CCSER1: variants seen among roughly 807,000 people sequenced by gnomAD.
The protein encoded by CCSER1 is serine-rich coiled-coil domain-containing protein 1.
Under a neutral mutation model 82.0 loss-of-function variants are expected in CCSER1, and 41 were observed. The ratio of observed to expected loss-of-function variants is 0.50; its 90% CI spans 0.39 to 0.65. CCSER1 has a LOEUF of 0.65. CCSER1 is among the 30% of genes least tolerant of loss of function. CCSER1 has a pLI of 0.00. For missense variants in CCSER1, 1,119 were observed against 1,064.2 expected, an observed-to-expected ratio of 1.05 and a Z score of -0.72; for synonymous variants, 414 against 383.9, an observed-to-expected ratio of 1.08 and a Z score of -0.92.
intron 7 of CCSER1, among the ~76,000 whole-genome samples, chr4:90,811,783 T>C (rs1236322979): frequency 6.6e-6 from 1 of 151,946 alleles, no homozygotes; most frequent in Non-Finnish European, 1.5e-5. Context: ...ATATGTTTAG[T>C]GAGTAGTTGT....
At chr4:90,637,120 G>A (rs1407023920) in intron 6 of CCSER1, among the ~76,000 whole-genome samples, 2 of 152,144 alleles carry the variant, frequency 1.3e-5, no homozygotes. Flanking sequence ...TATGGGTTAT[G>A]GCTGAAGGCG....
chr4:90,339,684 G>A (rs1238735559), intron 3 of CCSER1, among the ~76,000 whole-genome samples: 1 of 151,728 alleles, frequency 6.6e-6, no homozygotes, highest in Non-Finnish European at 1.5e-5. Context: ...ATTTTCTTTG[G>A]GTTTCTGCTC....
chr4:91,125,706 T>C (rs1343900872), intron 10 of CCSER1, among the ~76,000 whole-genome samples: 2 of 151,448 alleles, frequency 1.3e-5, no homozygotes, highest in African/African-American at 4.8e-5. Flanking sequence ...TTCTTGAAAA[T>C]AGATATGAAG....
intron 5 of CCSER1, among the ~76,000 whole-genome samples, chr4:90,492,719 T>G (rs1345652657): frequency 1.3e-5 from 2 of 152,166 alleles, no homozygotes; most frequent in African/African-American, 4.8e-5. Flanking sequence ...ATATGTTGAG[T>G]CTTTGTTCTC....
intron 3 of CCSER1, among the ~76,000 whole-genome samples, chr4:90,327,921 T>A (rs1052285480): frequency 3.9e-5 from 6 of 152,226 alleles, no homozygotes; most frequent in African/African-American, 1.4e-4. Flanking sequence ...TTGAGGACTC[T>A]GCGCACTTAC....
chr4:90,654,807 T>A (rs1729416994), intron 6 of CCSER1, among the ~76,000 whole-genome samples: 2 of 152,064 alleles, frequency 1.3e-5, no homozygotes, highest in Non-Finnish European at 2.9e-5. Flanking sequence ...GAGTGTGATG[T>A]TTTTGCCAGA....
intron 4 of CCSER1, among the ~76,000 whole-genome samples, chr4:90,413,928 G>C (rs908394133): frequency 1.3e-4 from 14 of 109,038 alleles, no homozygotes; most frequent in African/African-American, 4.5e-4. Flanking sequence ...CAGCCTGGGT[G>C]ACAGAGCGAG....
At chr4:91,029,958 G>A (rs1327878519) in intron 9 of CCSER1, among the ~76,000 whole-genome samples, 1 of 151,834 alleles carries the variant, frequency 6.6e-6, no homozygotes, top group Admixed American at 6.6e-5. Context: ...TTGATTCATT[G>A]CCTTCTGCAA....
chr4:90,659,243 C>T (rs910045935), intron 6 of CCSER1, among the ~76,000 whole-genome samples: 9 of 152,090 alleles, frequency 5.9e-5, no homozygotes, highest in Non-Finnish European at 1.0e-4. Flanking sequence ...CTGAAGAAAG[C>T]AACAAATAAT....
intron 10 of CCSER1, among the ~76,000 whole-genome samples, chr4:91,544,897 T>C (rs1321988729): frequency 1.3e-5 from 2 of 152,136 alleles, no homozygotes; most frequent in African/African-American, 4.8e-5. Flanking sequence ...CTATGCCCTG[T>C]CCCCAGAGTT....
chr4:90,409,759 G>A (rs1754384310), intron 4 of CCSER1, among the ~76,000 whole-genome samples: 1 of 152,138 alleles, frequency 6.6e-6, no homozygotes, highest in South Asian at 2.1e-4. Context: ...CATAATGACA[G>A]GATCAAATTC....
chr4:90,267,698 C>T (rs1336817438), intron 1 of CCSER1, among the ~76,000 whole-genome samples: 1 of 152,134 alleles, frequency 6.6e-6, no homozygotes, highest in African/African-American at 2.4e-5. Flanking sequence ...CCTGGTCATC[C>T]AGATAATTCT....
chr4:90,360,009 C>T (rs1289943147), intron 3 of CCSER1, among the ~76,000 whole-genome samples: 2 of 148,478 alleles, frequency 1.3e-5, no homozygotes, highest in East Asian at 2.0e-4. Flanking sequence ...ACCTCTGCCT[C>T]CCAGGTTAAA....
intron 6 of CCSER1, among the ~76,000 whole-genome samples, chr4:90,639,443 A>C (rs1426058938): frequency 2.0e-5 from 3 of 152,108 alleles, no homozygotes; most frequent in Admixed American, 6.6e-5. Context: ...ACACCACTCC[A>C]CAAAAGTACT....
intron 5 of CCSER1, among the ~76,000 whole-genome samples, chr4:90,555,431 G>A (rs1778014718): frequency 6.6e-6 from 1 of 152,004 alleles, no homozygotes; most frequent in Admixed American, 6.6e-5. Flanking sequence ...AAAAAGATCC[G>A]CTTTCTTCAT....
At chr4:90,605,723 T>A (rs1322109583) in intron 5 of CCSER1, among the ~76,000 whole-genome samples, 1 of 152,194 alleles carries the variant, frequency 6.6e-6, no homozygotes, top group Non-Finnish European at 1.5e-5. Context: ...TTTGACTGCT[T>A]GCTAAAAATG....
chr4:90,303,004 C>T lies in CCSER1; in HGVS notation c.-41-5240C>T, dbSNP rs1733471645. On this transcript the variant is annotated intron_variant, in intron 1 of 10. Transcript: ENST00000509176. ...TAATCTTGACCTATAGTCTATTTTC[C>T]TCTTATTTGGCTGAGAAACTCTCAA... 2.0e-5 allele frequency among the ~76,000 whole-genome samples: 3 copies of T among 151,998 alleles called. 1 individual carries two copies. Among genetic ancestry groups the T allele is most frequent in the Admixed American group, 6.6e-5 (1 of 15,246 alleles).
chr4:90,643,551 G>A (rs1003315653), intron 6 of CCSER1, among the ~76,000 whole-genome samples: 5 of 152,130 alleles, frequency 3.3e-5, no homozygotes, highest in African/African-American at 1.2e-4. Flanking sequence ...TATCACTTAG[G>A]TTTGTAGAGA....
intron 5 of CCSER1, among the ~76,000 whole-genome samples, chr4:90,507,291 T>C (rs1770833503): frequency 1.3e-5 from 2 of 151,246 alleles, no homozygotes; most frequent in Admixed American, 1.3e-4. Context: ...TGCCCTTCCT[T>C]TGTCCCTGAA....
Sources: allele counts gnomAD v4.1 joint callset (sites outside exome capture counted in the v4.1 genomes callset), GRCh38; gene constraint gnomAD v4.1.1; transcripts MANE v1.5; gene names NCBI Gene and HGNC (gene_info 2026-07-23, HGNC 2026-07-21).